The following DMXL2 variants were observed in gnomAD, a reference collection of about 807,000 sequenced individuals.
DMXL2 encodes the protein Dmx like 2, also known as dmX-like protein 2.
Under a neutral mutation model 331.1 loss-of-function variants are expected in DMXL2, and 103 were observed. That is an observed-to-expected ratio of 0.31 (90% CI 0.27 to 0.37). The LOEUF is 0.37. Among genes scored for constraint, DMXL2 ranks in the 10% least tolerant of loss-of-function variants. The probability of loss-of-function intolerance (pLI) is 1.00; values close to 1 mark genes in which losing one functional copy is unlikely to be tolerated. For missense variants in DMXL2, 3,171 were observed against 3,642.9 expected, an observed-to-expected ratio of 0.87 and a Z score of 3.33; for synonymous variants, 1,281 against 1,252.1, an observed-to-expected ratio of 1.02 and a Z score of -0.49.
At chr15:51,514,137 C>A (rs182705454) in intron 15 of DMXL2, among the ~76,000 whole-genome samples, 1 of 151,976 alleles carries the variant, frequency 6.6e-6, no homozygotes, top group Non-Finnish European at 1.5e-5. Context: ...CCTTAAGATA[C>A]CAAATGGAAC....
chr15:51,485,034 CAA>C (rs35332731), intron 23 of DMXL2, among the ~76,000 whole-genome samples: 11 of 99,770 alleles, frequency 1.1e-4, no homozygotes, highest in East Asian at 5.5e-4. Context: ...TCAGGCAAAC[CAA>C]AAAAAAAAAA....
intron 1 of DMXL2, among the ~76,000 whole-genome samples, chr15:51,612,334 T>A (rs1321258651): frequency 6.6e-6 from 1 of 152,194 alleles, no homozygotes; most frequent in East Asian, 1.9e-4. Context: ...AATCAAATCG[T>A]CACATTAGTA....
At chr15:51,608,836 A>G (rs1192719425) in intron 1 of DMXL2, among the ~76,000 whole-genome samples, 1 of 152,234 alleles carries the variant, frequency 6.6e-6, no homozygotes, top group East Asian at 1.9e-4. Flanking sequence ...GGAAATTCTA[A>G]TGGAGATTCT....
Position 51,504,454 on chromosome 15 carries a change from T to G in DMXL2, c.2765-1421A>C, listed in dbSNP as rs1005148665. On this transcript the variant is annotated intron_variant, in intron 16 of 43. Transcript: ENST00000560891. ...TCTTCCAAAGAACTTCCAGTGAGTG[T>G]AAATCTCTGATTCAGTTATCTGTTC... Among the ~76,000 whole-genome samples the G allele has an allele frequency of 5.3e-5, 8 of 152,228 alleles. 1 individual carries two copies. In the East Asian group the frequency reaches 1.5e-3, roughly 29 times the overall value.
chr15:51,594,145 A>G (rs2052608590), intron 1 of DMXL2, among the ~76,000 whole-genome samples: 1 of 152,196 alleles, frequency 6.6e-6, no homozygotes, highest in Non-Finnish European at 1.5e-5. Context: ...TTTTGAAAAG[A>G]TCAACAAAAT....
At position 51,498,998 on chromosome 15, in the gene DMXL2, G is replaced by A. The variant is rs1360534893; in HGVS notation, c.4226C>T (p.Thr1409Ile). 6.2e-7 allele frequency: 1 copy of A among 1,613,974 alleles called. No individual in the cohort carries two copies. ...ISVSGSTAKE[T>I]VTVGKDGTRD... Reference sequence around the variant, plus strand: ...AGTACCATCTTTTCCTACGGTGACTGTTTCCTTTGCTGTACTGCCACTTAC... The same window carrying A: ...AGTACCATCTTTTCCTACGGTGACTATTTCCTTTGCTGTACTGCCACTTAC... The change falls in exon 18 of 44, where the codon ACA becomes ATA. Residue 1409 changes from threonine to isoleucine, a missense_variant. Physicochemically the swap from Thr to Ile is moderately conservative, Grantham distance 89 (BLOSUM62 -1). Around this residue, in one of 7 missense-constraint regions of DMXL2, gnomAD observed 1,674 missense variants for 1,780.2 expected, o/e 0.94. Coordinates refer to ENST00000560891, the MANE Select transcript of DMXL2 (RefSeq NM_001378457.1).
chr15:51,572,221 C>A (rs7173105), intron 2 of DMXL2, among the ~76,000 whole-genome samples: 32,152 of 103,322 alleles, frequency 0.31, 6,350 homozygotes, highest in Non-Finnish European at 0.38. Flanking sequence ...TACACCCTCC[C>A]AATACTAAAC....
At chr15:51,458,655 T>C in intron 35 of DMXL2, 28 bp from the exon 36 acceptor site, 1 of 1,613,912 alleles carries the variant, frequency 6.2e-7, no homozygotes, top group Middle Eastern at 1.7e-4. Context: ...AATCGATGAT[T>C]TAAGCAATTT....
intron 6 of DMXL2, among the ~76,000 whole-genome samples, chr15:51,549,557 C>T (rs1298032391): frequency 2.0e-5 from 3 of 152,090 alleles, no homozygotes; most frequent in Non-Finnish European, 4.4e-5. Flanking sequence ...AGTGGTTGTA[C>T]TAGTTTACAT....
intron 6 of DMXL2, among the ~76,000 whole-genome samples, chr15:51,559,923 C>G (rs1011854949): frequency 6.6e-6 from 1 of 152,068 alleles, no homozygotes; most frequent in Non-Finnish European, 1.5e-5. Context: ...TAACATATAA[C>G]CCAGCAATTC....
At chr15:51,519,120 C>T (rs1348087970) in intron 13 of DMXL2, among the ~76,000 whole-genome samples, 1 of 152,032 alleles carries the variant, frequency 6.6e-6, no homozygotes, top group African/African-American at 2.4e-5. Context: ...ATCAAAACTG[C>T]ACATATGTGT....
At chr15:51,597,678 A>G (rs546392020) in intron 1 of DMXL2, among the ~76,000 whole-genome samples, 17 of 152,340 alleles carry the variant, frequency 1.1e-4, no homozygotes, top group African/African-American at 2.2e-4. Context: ...GATGGATCAC[A>G]GGTTAGGCGT....
chr15:51,619,229 C>A (rs1424949097), intron 1 of DMXL2, among the ~76,000 whole-genome samples: 1 of 152,126 alleles, frequency 6.6e-6, no homozygotes, highest in East Asian at 1.9e-4. Flanking sequence ...AAAGCTCATA[C>A]ACGGGAGAAG....
intron 6 of DMXL2, among the ~76,000 whole-genome samples, chr15:51,560,668 CAAA>C (rs992393904): frequency 1.4e-5 from 1 of 71,116 alleles, no homozygotes; most frequent in African/African-American, 5.4e-5. Flanking sequence ...GACTCAGTCT[CAAA>C]AAAAAAAAAA....
At position 51,481,391 on chromosome 15, in the gene DMXL2, G is replaced by A. The variant is rs761418573; in HGVS notation, c.5715C>T (p.Leu1905=). The A allele has an allele frequency of 3.3e-5, 54 of 1,613,522 alleles. No homozygotes were observed. Among genetic ancestry groups the A allele is most frequent in the Non-Finnish European group, 4.3e-5 (51 of 1,179,748 alleles). The change falls in exon 24 of 44, where the codon CTC becomes CTT. Residue 1905 remains leucine (L), a synonymous_variant. Transcript: ENST00000560891. ...VGCPVLALEV[L]SKIPKVTKTS... The stretch of plus-strand genomic sequence containing the variant: ...TTTTGGTTACTTTTGGAATTTTGGA[G>A]AGTACCTCCAAGGCTAAAACAGGGC...
chr15:51,604,119 G>A (rs968179101), intron 1 of DMXL2, among the ~76,000 whole-genome samples: 6 of 151,686 alleles, frequency 4.0e-5, no homozygotes, highest in African/African-American at 1.2e-4. Flanking sequence ...ACTCAATCAC[G>A]GCAATCCACA....
At chr15:51,574,303 A>G (rs973485512) in intron 2 of DMXL2, among the ~76,000 whole-genome samples, 5 of 152,160 alleles carry the variant, frequency 3.3e-5, no homozygotes, top group Non-Finnish European at 4.4e-5. Flanking sequence ...CTTGAAGGCT[A>G]TTTCTAAGTT....
rs186940430 is a variant in DMXL2, at chr15:51,486,222, C to T, written c.5333G>A (p.Gly1778Asp). The change falls in exon 23 of 44, where the codon GGT (glycine) becomes GAT (aspartate). Residue 1778 changes from glycine to aspartate, a missense_variant. By Grantham distance (94) the Gly-to-Asp change is moderately conservative. Around this residue, in one of 7 missense-constraint regions of DMXL2, gnomAD observed 252 missense variants for 387.4 expected, o/e 0.65. Coordinates refer to ENST00000560891, the MANE Select transcript of DMXL2 (RefSeq NM_001378457.1). ...GAATCCTGAGCCATCCTTTTGGCAA[C>T]CCAAAATCTTCTGATTTAGGATGGA... ...YISILNQKIL[G>D]CQKDGSGFSC... 8 of 1,613,808 alleles carry T rather than the reference C, an allele frequency of 5.0e-6. No homozygotes were observed. The highest frequency in any genetic ancestry group is 1.3e-5 in the African/African-American group (1 of 74,878).
chr15:51,542,590 T>TAC, intron 8 of DMXL2, 83 bp from the exon 9 acceptor site: 2 of 1,049,114 alleles, frequency 1.9e-6, no homozygotes, highest in Non-Finnish European at 2.7e-6. Context: ...ATTAAGAGGT[T>TAC]TAAGATTTTT....
Sources: gnomAD v4.1 joint callset for allele counts (sites outside exome capture counted in the v4.1 genomes callset) on GRCh38, gnomAD v4.1.1 for gene constraint, gnomAD v4.1.1 regional missense constraint, MANE v1.5 for transcripts, NCBI Gene and HGNC (gene_info 2026-07-23, HGNC 2026-07-21) for gene names.